RASAL2: variants seen among roughly 807,000 people sequenced by gnomAD.
The protein encoded by RASAL2 is RAS protein activator like 2, also known as ras GTPase-activating protein nGAP.
RASAL2 carries 58 observed loss-of-function variants against 128.9 expected under a neutral mutation model. The ratio of observed to expected loss-of-function variants is 0.45; its 90% CI spans 0.36 to 0.56. The LOEUF (loss-of-function observed/expected upper bound fraction) is 0.56. RASAL2 is among the 20% of genes least tolerant of loss of function. The pLI is 0.00. For synonymous variants in RASAL2, 561 were observed against 580.8 expected (o/e 0.97, Z 0.49); for missense variants, 1,360 against 1,601.6 (o/e 0.85, Z 2.57).
At chr1:178,261,913 C>CAA (rs35870834) in intron 1 of RASAL2, among the ~76,000 whole-genome samples, 10,494 of 84,356 alleles carry the variant, frequency 0.12, 421 homozygotes, top group Middle Eastern at 0.22. Flanking sequence ...GAGACTGTCT[C>CAA]AAAAAAAAAA....
chr1:178,180,428 G>A (rs555434689), intron 1 of RASAL2, among the ~76,000 whole-genome samples: 153 of 140,948 alleles, frequency 1.1e-3, no homozygotes, highest in Non-Finnish European at 1.8e-3. Flanking sequence ...TGGATGGATC[G>A]CTTGAGTCCA....
At chr1:178,382,230 T>C (rs1007794504) in intron 3 of RASAL2, among the ~76,000 whole-genome samples, 2 of 152,196 alleles carry the variant, frequency 1.3e-5, no homozygotes, top group African/African-American at 4.8e-5. Context: ...TTGTTTCCTG[T>C]TTTGTTCACA....
intron 2 of RASAL2, among the ~76,000 whole-genome samples, chr1:178,283,921 G>A (rs1228720648): frequency 6.6e-6 from 1 of 152,180 alleles, no homozygotes; most frequent in Admixed American, 6.5e-5. Flanking sequence ...AAGAGATACT[G>A]AGTTAAACTG....
chr1:178,306,709 T>A (rs1668006856), intron 3 of RASAL2, among the ~76,000 whole-genome samples: 2 of 152,076 alleles, frequency 1.3e-5, no homozygotes, highest in African/African-American at 4.8e-5. Context: ...TTGAGAAGTG[T>A]CTGTTCATGT....
At chr1:178,443,677 T>C (rs1357415132) in intron 8 of RASAL2, among the ~76,000 whole-genome samples, 2 of 152,214 alleles carry the variant, frequency 1.3e-5, no homozygotes, top group East Asian at 3.9e-4. Context: ...CAAGAGTCTT[T>C]GTGGGATTAA....
At chr1:178,268,294 C>G (rs1194559571) in intron 1 of RASAL2, among the ~76,000 whole-genome samples, 4 of 151,950 alleles carry the variant, frequency 2.6e-5, no homozygotes, top group Admixed American at 2.6e-4. Flanking sequence ...ATGGTGAAAC[C>G]CCATCTCTAC....
intron 1 of RASAL2, among the ~76,000 whole-genome samples, chr1:178,134,457 CAAAAAAAAAAA>C (rs59410623): frequency 9.0e-6 from 1 of 111,548 alleles, no homozygotes; most frequent in Non-Finnish European, 1.9e-5. Context: ...GACCCTATCT[CAAAAAAAAAAA>C]AAAAAAAAAA....
At chr1:178,294,152 C>T (rs1200768218) in intron 2 of RASAL2, among the ~76,000 whole-genome samples, 1 of 152,152 alleles carries the variant, frequency 6.6e-6, no homozygotes, top group Non-Finnish European at 1.5e-5. Context: ...AGGGAGCTTG[C>T]ACTAATTTAT....
At chr1:178,297,354 C>G (rs550311698) in intron 2 of RASAL2, among the ~76,000 whole-genome samples, 1 of 151,834 alleles carries the variant, frequency 6.6e-6, no homozygotes, top group Admixed American at 6.6e-5. Context: ...GTAATCCCAG[C>G]ACTTTGGGAG....
chr1:178,182,045 C>A, intron 1 of RASAL2, among the ~76,000 whole-genome samples: 1 of 152,152 alleles, frequency 6.6e-6, no homozygotes, highest in Non-Finnish European at 1.5e-5. Flanking sequence ...ATTCCACCTC[C>A]TTGAGGGTAG....
At chr1:178,472,659 C>G (rs958491043) in intron 17 of RASAL2, among the ~76,000 whole-genome samples, 1 of 152,206 alleles carries the variant, frequency 6.6e-6, no homozygotes, top group Non-Finnish European at 1.5e-5. Flanking sequence ...ATCACATGCT[C>G]TTCTCCTCTG....
At chr1:178,272,425 T>G (rs1276716493) in intron 1 of RASAL2, among the ~76,000 whole-genome samples, 1 of 152,214 alleles carries the variant, frequency 6.6e-6, no homozygotes, top group African/African-American at 2.4e-5. Flanking sequence ...AGATACCTTT[T>G]AACTCTACAT....
intron 4 of RASAL2, among the ~76,000 whole-genome samples, chr1:178,399,246 G>C (rs1460742274): frequency 6.6e-6 from 1 of 152,130 alleles, no homozygotes; most frequent in East Asian, 1.9e-4. Flanking sequence ...GTGTGAGAAA[G>C]ATAGGGATTA....
chr1:178,099,925 G>A (rs994331837), intron 1 of RASAL2, among the ~76,000 whole-genome samples: 1 of 152,068 alleles, frequency 6.6e-6, no homozygotes, highest in Admixed American at 6.6e-5. Flanking sequence ...TTCCACCGTT[G>A]CACTGCAGCC....
At chr1:178,379,477 A>G (rs1272237954) in intron 3 of RASAL2, among the ~76,000 whole-genome samples, 3 of 152,166 alleles carry the variant, frequency 2.0e-5, no homozygotes, top group Non-Finnish European at 4.4e-5. Flanking sequence ...GTAGTTTAAA[A>G]TCTACCACTG....
chr1:178,214,758 CTG>C (rs1210986005), intron 1 of RASAL2, among the ~76,000 whole-genome samples: 2 of 152,092 alleles, frequency 1.3e-5, no homozygotes, highest in Non-Finnish European at 2.9e-5. Context: ...CGGGGTTTCA[CTG>C]TGTTAGCCAC....
chr1:178,369,590 C>G (rs1354951489), intron 3 of RASAL2, among the ~76,000 whole-genome samples: 1 of 151,836 alleles, frequency 6.6e-6, no homozygotes. Flanking sequence ...ATTTTGATGA[C>G]CTTTCTAACT....
intron 1 of RASAL2, among the ~76,000 whole-genome samples, chr1:178,212,785 G>A (rs919637051): frequency 3.3e-5 from 5 of 152,058 alleles, no homozygotes; most frequent in South Asian, 2.1e-4. Flanking sequence ...GCCATGAGCC[G>A]CCGTGCCCGG....
At chr1:178,371,049 C>A (rs1333348301) in intron 3 of RASAL2, among the ~76,000 whole-genome samples, 1 of 151,720 alleles carries the variant, frequency 6.6e-6, no homozygotes, top group African/African-American at 2.4e-5. Flanking sequence ...TAGTAACAAG[C>A]CTAATCAATC....
Sources: gnomAD v4.1 joint callset for allele counts (sites outside exome capture counted in the v4.1 genomes callset) on GRCh38, gnomAD v4.1.1 for gene constraint, MANE v1.5 for transcripts, NCBI Gene and HGNC (gene_info 2026-07-23, HGNC 2026-07-21) for gene names.